FOXS1: variants seen among roughly 807,000 people sequenced by gnomAD.
FOXS1 encodes forkhead box protein S1.
Under a neutral mutation model 13.0 loss-of-function variants are expected in FOXS1, and 7 were observed. The ratio of observed to expected loss-of-function variants is 0.54; its 90% CI spans 0.31 to 1.01. The LOEUF is 1.01. FOXS1 is among the 50% of genes least tolerant of loss of function. FOXS1 has a pLI of 0.06. For synonymous variants in FOXS1, 161 were observed against 189.3 expected, an observed-to-expected ratio of 0.85 and a Z score of 1.23; for missense variants, 414 against 464.1, an observed-to-expected ratio of 0.89 and a Z score of 0.99.
rs1324657132 is a variant in FOXS1, at chr20:31,845,392, G to A, written c.151C>T (p.Arg51Ter). The A allele has an allele frequency of 1.9e-6, 3 of 1,614,194 alleles. No individual in the cohort carries two copies. The highest frequency in any genetic ancestry group is 2.5e-6 in the Non-Finnish European group (3 of 1,180,014). Residue 51 changes from arginine to a stop codon, truncating the protein, a stop_gained, in exon 1 of 1, where the codon CGA becomes TGA. Transcript: ENST00000375978. LOFTEE classifies it high-confidence loss of function. ...CGGTTGTGGCGGTAGAAGGCGAATC[G>A]GCCCATGATGTAGCGGTAGATGCCA... Reference protein sequence around the residue: ...LSGIYRYIMGRFAFYRHNRPG... With the variant: ...LSGIYRYIMG
rs145658539 is a variant in FOXS1 at position 31,845,512 on chromosome 20, C to T, written c.31G>A (p.Ala11Thr). The T allele has an allele frequency of 1.0e-3, 1,630 of 1,613,746 alleles. 23 individuals are homozygous for T. Among genetic ancestry groups the T allele is most frequent in the South Asian group, 8.6e-3 (782 of 91,080 alleles). MQQQPLPGPGAPTTEPTKPPY... is the reference protein window; with the variant it reads MQQQPLPGPGTPTTEPTKPPY... ...GGCTTGGTTGGCTCAGTTGTGGGGG[C>T]GCCAGGCCCGGGCAGAGGCTGCTGC... Residue 11 changes from alanine to threonine, a missense_variant, in exon 1 of 1, where the codon GCC becomes ACC. Transcript: ENST00000375978.
rs746974826 is a variant in FOXS1, at chr20:31,845,203, AGCG to A, written c.337_339del (p.Arg113del). On this transcript the variant is annotated inframe_deletion, in exon 1 of 1. Coordinates refer to ENST00000375978, the MANE Select transcript of FOXS1 (RefSeq NM_004118.4). ...CCCTCAGCACCTGTCTGCCGGGTGA[AGCG>A]GCGGCGGCGGCGTAGGAAGCTGCCG... The A allele has an allele frequency of 5.0e-6, 8 of 1,611,724 alleles. No individual in the cohort carries two copies. Among genetic ancestry groups the A allele is most frequent in the Non-Finnish European group, 5.1e-6 (6 of 1,178,694 alleles).
chr20:31,844,412 A>G lies in FOXS1; in HGVS notation c.*138T>C. On this transcript the variant is annotated 3_prime_UTR_variant, in exon 1 of 1. Coordinates refer to ENST00000375978, the MANE Select transcript of FOXS1 (RefSeq NM_004118.4). ...GGAGGCCCCAGGGGCCTGGCTGAGC[A>G]CCGCTTCAATCCTGGCTTTCTGTGT... is the stretch of plus-strand genomic sequence containing the variant. 2 of 1,108,590 alleles carry G rather than the reference A, an allele frequency of 1.8e-6. No homozygotes were observed. Among genetic ancestry groups the G allele is most frequent in the Non-Finnish European group, 2.6e-6 (2 of 764,304 alleles). 68.7% of individuals were successfully genotyped at this position (1,108,590 alleles called of 1,614,324 possible).
rs775002023 is a variant in FOXS1 at position 31,844,604 on chromosome 20, T to G, written c.939A>C (p.Pro313=). The change falls in exon 1 of 1, where the codon CCA becomes CCC. Residue 313 remains proline, a synonymous_variant. Coordinates refer to ENST00000375978, the MANE Select transcript of FOXS1 (RefSeq NM_004118.4). The part of the protein sequence containing the change: ...GFPVQGGSGY[P]LGLTPCLYRT... ...GGTATAGGCAGGGGGTCAGCCCCAATGGGTAGCCGGAGCCTCCCTGGACAG... is the reference window on the plus strand; with the variant it reads ...GGTATAGGCAGGGGGTCAGCCCCAAGGGGTAGCCGGAGCCTCCCTGGACAG... 68 of 1,613,868 alleles carry G rather than the reference T, an allele frequency of 4.2e-5. No homozygotes were observed. In the East Asian group the frequency reaches 1.5e-3, roughly 36 times the overall value.
In FOXS1 at chr20:31,844,495, A is replaced by G; in HGVS notation, c.*55T>C. On this transcript the variant is annotated 3_prime_UTR_variant, in exon 1 of 1. Transcript: ENST00000375978. ...CGAGAGTTCTTCAGGTCCTAGAGCCAGGCTCAGCCCGGAGGGTGAGGGACC... is the reference window on the plus strand; with the variant it reads ...CGAGAGTTCTTCAGGTCCTAGAGCCGGGCTCAGCCCGGAGGGTGAGGGACC... 6.3e-7 allele frequency: 1 copy of G among 1,585,568 alleles called. No individual in the cohort carries two copies. Among genetic ancestry groups the G allele is most frequent in the Admixed American group, 1.8e-5 (1 of 57,102 alleles).
rs758570616 is a variant in FOXS1, at chr20:31,844,744, G to T, written c.799C>A (p.His267Asn). 1 of 1,613,826 alleles carries T rather than the reference G, an allele frequency of 6.2e-7. No homozygotes were observed. The highest frequency in any genetic ancestry group is 2.2e-5 in the East Asian group (1 of 44,872). ...GAGGGGGCTGCTGAGGCCAAGAGGTGCTCAAGGCCTGGGTCAGCCCCCATG... is the reference window on the plus strand; with the variant it reads ...GAGGGGGCTGCTGAGGCCAAGAGGTTCTCAAGGCCTGGGTCAGCCCCCATG... Reference protein sequence around the residue: ...FCMGADPGLEHLLASAAPSPA... With the variant: ...FCMGADPGLENLLASAAPSPA... Residue 267 changes from histidine (H) to asparagine (N), a missense_variant, in exon 1 of 1, where the codon CAC (histidine) becomes AAC (asparagine). Coordinates refer to ENST00000375978, the MANE Select transcript of FOXS1 (RefSeq NM_004118.4).
rs1344347378 is a variant in FOXS1 at position 31,844,518 on chromosome 20, A to G, written c.*32T>C. On this transcript the variant is annotated 3_prime_UTR_variant, in exon 1 of 1. Transcript: ENST00000375978. ...CCAGGCTCAGCCCGGAGGGTGAGGG[A>G]CCTGCAGGGACTGCCCGAGGTGAGG... The G allele has an allele frequency of 6.2e-7, 1 of 1,609,076 alleles. No individual in the cohort carries two copies. The highest frequency in any genetic ancestry group is 8.5e-7 in the Non-Finnish European group (1 of 1,177,632).
In FOXS1 at chr20:31,845,122, G is replaced by C; in HGVS notation, c.421C>G (p.Pro141Ala). 1 of 1,606,970 alleles carries C rather than the reference G, an allele frequency of 6.2e-7. No individual in the cohort carries two copies. Among genetic ancestry groups the C allele is most frequent in the African/African-American group, 1.3e-5 (1 of 74,940 alleles). ...CCGGTCGTGGCGTTGGGGACTCCTG[G>C]GTCCTGGCTGGTCGCCCTGAGGGGT... ...RGPLRATSQDPGVPNATTGRQ... is the reference protein window; with the variant it reads ...RGPLRATSQDAGVPNATTGRQ... Residue 141 changes from proline (P) to alanine (A), a missense_variant, in exon 1 of 1, where the codon CCA becomes GCA. Pro to Ala is a conservative substitution (Grantham distance 27). Coordinates refer to ENST00000375978, the MANE Select transcript of FOXS1 (RefSeq NM_004118.4).
At position 31,844,393 on chromosome 20, in the gene FOXS1, C is replaced by A; in HGVS notation, c.*157G>T. 1 of 915,622 alleles carries A rather than the reference C, an allele frequency of 1.1e-6. No individual in the cohort carries two copies. The highest frequency in any genetic ancestry group is 1.7e-5 in the South Asian group (1 of 60,090). 56.7% of individuals were successfully genotyped at this position (915,622 alleles called of 1,614,324 possible). The stretch of plus-strand genomic sequence containing the variant: ...CTCACCCCCAAGTTTGTCCGGAGGC[C>A]CCAGGGGCCTGGCTGAGCACCGCTT... On this transcript the variant is annotated 3_prime_UTR_variant, in exon 1 of 1. Transcript: ENST00000375978.
At position 31,845,589 on chromosome 20, in the gene FOXS1, C is replaced by T. The variant is rs991999994; in HGVS notation, c.-47G>A. ...CTGGGACCTGCTGGGTCAGGCTCAG[C>T]TTCCAGGGCTGGCGTCCGGAATAGC... On this transcript the variant is annotated 5_prime_UTR_variant, in exon 1 of 1. Coordinates refer to ENST00000375978, the MANE Select transcript of FOXS1 (RefSeq NM_004118.4). 4.4e-6 allele frequency: 7 copies of T among 1,595,948 alleles called. No homozygotes were observed. Among genetic ancestry groups the T allele is most frequent in the African/African-American group, 1.3e-5 (1 of 74,606 alleles).
rs2296917 is a variant in FOXS1, at chr20:31,844,669, G to C, written c.874C>G (p.Pro292Ala). 154 of 1,613,550 alleles carry C rather than the reference G, an allele frequency of 9.5e-5. 2 individuals carry two copies. In the East Asian group the frequency reaches 3.4e-3, roughly 36 times the overall value. The change falls in exon 1 of 1, where the codon CCA (proline) becomes GCA (alanine). Residue 292 changes from proline to alanine, a missense_variant. Transcript: ENST00000375978. ...ACCCAGGGTTCCTTGTGGTCAGTTG[G>C]CAGGGGCAGTGGGGCCCGGAGTGAG... is the stretch of plus-strand genomic sequence containing the variant. ...PGSLRAPLPL[P>A]TDHKEPWVAG...
In FOXS1 at chr20:31,845,469, G is replaced by A; in HGVS notation, c.74C>T (p.Ala25Val). Reference sequence around the variant, plus strand: ...GCTCTGGATGGCCATAGCAATAAGGGCGATGTAGCTGTAGGGAGGCTTGGT... The same window carrying A: ...GCTCTGGATGGCCATAGCAATAAGGACGATGTAGCTGTAGGGAGGCTTGGT... ...EPTKPPYSYI[A>V]LIAMAIQSSP... The change falls in exon 1 of 1, where the codon GCC becomes GTC. Residue 25 changes from alanine (A) to valine (V), a missense_variant. Physicochemically the swap from Ala to Val is moderately conservative, Grantham distance 64 (BLOSUM62 0). Transcript: ENST00000375978. The A allele has an allele frequency of 6.2e-7, 1 of 1,614,210 alleles. No individual in the cohort carries two copies. The highest frequency in any genetic ancestry group is 8.5e-7 in the Non-Finnish European group (1 of 1,180,014).
Position 31,845,234 on chromosome 20 carries a change from C to T in FOXS1, c.309G>A (p.Glu103=), listed in dbSNP as rs1234424185. The T allele has an allele frequency of 6.2e-7, 1 of 1,613,806 alleles. No homozygotes were observed. Among genetic ancestry groups the T allele is most frequent in the African/African-American group, 1.3e-5 (1 of 74,942 alleles). Reference sequence around the variant, plus strand: ...GGCGGCGGCGTAGGAAGCTGCCGTGCTCAAACATGTCGTGGCAGTCAGGGT... The same window carrying T: ...GGCGGCGGCGTAGGAAGCTGCCGTGTTCAAACATGTCGTGGCAGTCAGGGT... ...TLDPDCHDMF[E]HGSFLRRRRR... Residue 103 remains glutamate, a synonymous_variant, in exon 1 of 1, where the codon GAG becomes GAA. Transcript: ENST00000375978.
Position 31,844,319 on chromosome 20 carries a change from T to G in FOXS1, c.*231A>C. Reference sequence around the variant, plus strand: ...AGCTGACCCTCATCATCACATGGCTTTATTGGCCCTGAGAGCCACAGAGTA... The same window carrying G: ...AGCTGACCCTCATCATCACATGGCTGTATTGGCCCTGAGAGCCACAGAGTA... On this transcript the variant is annotated 3_prime_UTR_variant, in exon 1 of 1. Transcript: ENST00000375978. 2 of 565,030 alleles carry G rather than the reference T, an allele frequency of 3.5e-6. No individual in the cohort carries two copies. The highest frequency in any genetic ancestry group is 3.1e-5 in the East Asian group (1 of 32,008). The allele number at this position is 565,030 out of a possible 1,614,324, so 35.0% of individuals were successfully genotyped here.
At position 31,845,401 on chromosome 20, in the gene FOXS1, T is replaced by C; in HGVS notation, c.142A>G (p.Ile48Val). The C allele has an allele frequency of 6.2e-7, 1 of 1,614,216 alleles. No individual in the cohort carries two copies. The highest frequency in any genetic ancestry group is 8.5e-7 in the Non-Finnish European group (1 of 1,180,012). ...CGGTAGAAGGCGAATCGGCCCATGA[T>C]GTAGCGGTAGATGCCACTGAGGGTG... is the stretch of plus-strand genomic sequence containing the variant. ...RATLSGIYRY[I>V]MGRFAFYRHN... Residue 48 changes from isoleucine to valine, a missense_variant, in exon 1 of 1, where the codon ATC (isoleucine) becomes GTC (valine). By Grantham distance (29) the Ile-to-Val change is conservative. Transcript: ENST00000375978.
Position 31,844,436 on chromosome 20 carries a change from G to A in FOXS1, c.*114C>T. 1.5e-6 allele frequency: 2 copies of A among 1,312,370 alleles called. No individual in the cohort carries two copies. The highest frequency in any genetic ancestry group is 1.4e-5 in the South Asian group (1 of 71,462). 81.3% of individuals were successfully genotyped at this position (1,312,370 alleles called of 1,614,324 possible). On this transcript the variant is annotated 3_prime_UTR_variant, in exon 1 of 1. Coordinates refer to ENST00000375978, the MANE Select transcript of FOXS1 (RefSeq NM_004118.4). ...CACCGCTTCAATCCTGGCTTTCTGTGTGGTTGTCCTTGGCTCACCAGGGCT... is the reference window on the plus strand; with the variant it reads ...CACCGCTTCAATCCTGGCTTTCTGTATGGTTGTCCTTGGCTCACCAGGGCT...
At position 31,845,284 on chromosome 20, in the gene FOXS1, C is replaced by T; in HGVS notation, c.259G>A (p.Gly87Ser). The T allele has an allele frequency of 6.2e-7, 1 of 1,614,228 alleles. No individual in the cohort carries two copies. The highest frequency in any genetic ancestry group is 8.5e-7 in the Non-Finnish European group (1 of 1,180,026). ...VKVPRDDRKP[G>S]KGSYWTLDPD... ...TCCAGCGTCCAGTAGCTGCCCTTGC[C>T]TGGCTTGCGGTCATCGCGGGGCACC... The change falls in exon 1 of 1, where the codon GGC (glycine) becomes AGC (serine). Residue 87 changes from glycine to serine, a missense_variant. Coordinates refer to ENST00000375978, the MANE Select transcript of FOXS1 (RefSeq NM_004118.4).
At position 31,844,658 on chromosome 20, in the gene FOXS1, G is replaced by A. The variant is rs779249477; in HGVS notation, c.885C>T (p.His295=). 2.5e-6 allele frequency: 4 copies of A among 1,613,732 alleles called. No homozygotes were observed. Among genetic ancestry groups the A allele is most frequent in the Non-Finnish European group, 3.4e-6 (4 of 1,179,768 alleles). The change falls in exon 1 of 1, where the codon CAC becomes CAT. Residue 295 remains histidine, a synonymous_variant. Coordinates refer to ENST00000375978, the MANE Select transcript of FOXS1 (RefSeq NM_004118.4). ...LRAPLPLPTD[H]KEPWVAGGFP... is the part of the protein sequence containing the mutation. ...AGCCACCTGCAACCCAGGGTTCCTT[G>A]TGGTCAGTTGGCAGGGGCAGTGGGG...
Position 31,844,369 on chromosome 20 carries a change from T to C in FOXS1, c.*181A>G. ...AAATCCCAAGAGGCCCTGCTTCCCC[T>C]CACCCCCAAGTTTGTCCGGAGGCCC... is the stretch of plus-strand genomic sequence containing the variant. On this transcript the variant is annotated 3_prime_UTR_variant, in exon 1 of 1. Transcript: ENST00000375978. 1.5e-6 allele frequency: 1 copy of C among 689,176 alleles called. No homozygotes were observed. The highest frequency in any genetic ancestry group is 2.5e-6 in the Non-Finnish European group (1 of 406,312). 42.7% of individuals were successfully genotyped at this position (689,176 alleles called of 1,614,324 possible).
Sources: gnomAD v4.1 joint callset for allele counts on GRCh38, gnomAD v4.1.1 for gene constraint, MANE v1.5 for transcripts, NCBI Gene and HGNC (gene_info 2026-07-23, HGNC 2026-07-21) for gene names.